HTR4: variants seen among roughly 807,000 people sequenced by gnomAD.
HTR4 encodes the protein 5-hydroxytryptamine (serotonin) receptor 4, G protein-coupled.
HTR4 carries 16 observed loss-of-function variants against 36.8 expected under a neutral mutation model. That is an observed-to-expected ratio of 0.43 (90% CI 0.29 to 0.66). The LOEUF is 0.66. Ranked by LOEUF, HTR4 falls within the 30% of genes least tolerant of loss-of-function variation. The pLI is 0.13. For synonymous variants in HTR4, 189 were observed against 185.1 expected, an observed-to-expected ratio of 1.02 and a Z score of -0.17; for missense variants, 438 against 490.9, an observed-to-expected ratio of 0.89 and a Z score of 1.02.
chr5:148,619,665 G>A (rs1175126405), intron 2 of HTR4, among the ~76,000 whole-genome samples: 1 of 152,122 alleles, frequency 6.6e-6, no homozygotes, highest in Non-Finnish European at 1.5e-5. Context: ...TTGAAAACAC[G>A]ACTGAAAATC....
intron 2 of HTR4, among the ~76,000 whole-genome samples, chr5:148,568,727 G>A (rs1239671438): frequency 6.6e-6 from 1 of 152,140 alleles, no homozygotes; most frequent in Non-Finnish European, 1.5e-5. Context: ...GGACACATTA[G>A]TAAAGCTTTT....
chr5:148,515,754 A>AT (rs77566782), intron 5 of HTR4, among the ~76,000 whole-genome samples: 23,954 of 151,620 alleles, frequency 0.16, 3,425 homozygotes, highest in African/African-American at 0.37. Flanking sequence ...CTTGTCTTTG[A>AT]TTTTCAGCAA....
At chr5:148,577,740 TCTTA>T (rs1451829510) in intron 2 of HTR4, among the ~76,000 whole-genome samples, 3 of 152,112 alleles carry the variant, frequency 2.0e-5, no homozygotes, top group Non-Finnish European at 2.9e-5. Flanking sequence ...TACTGCCTGT[TCTTA>T]CTTACAAGTG....
intron 2 of HTR4, among the ~76,000 whole-genome samples, chr5:148,615,285 G>A (rs1752616139): frequency 6.6e-6 from 1 of 152,042 alleles, no homozygotes; most frequent in African/African-American, 2.4e-5. Flanking sequence ...CAACCCAAAT[G>A]TCCAACATTG....
At chr5:148,624,634 A>G (rs1002313782) in intron 2 of HTR4, among the ~76,000 whole-genome samples, 1 of 152,170 alleles carries the variant, frequency 6.6e-6, no homozygotes, top group Non-Finnish European at 1.5e-5. Context: ...TTCAACCTCA[A>G]ATAGAGAACT....
intron 4 of HTR4, among the ~76,000 whole-genome samples, chr5:148,527,796 C>T (rs940784397): frequency 2.0e-5 from 3 of 152,058 alleles, no homozygotes; most frequent in East Asian, 1.9e-4. Context: ...ATATTTTTAG[C>T]AGGGACAGGG....
intron 5 of HTR4, among the ~76,000 whole-genome samples, chr5:148,456,628 A>C (rs1755108429): frequency 6.6e-6 from 1 of 152,242 alleles, no homozygotes; most frequent in South Asian, 2.1e-4. Flanking sequence ...AGGGCTGGGC[A>C]CACAATGGAT....
chr5:148,596,541 T>C (rs934488920), intron 2 of HTR4, among the ~76,000 whole-genome samples: 2 of 152,148 alleles, frequency 1.3e-5, no homozygotes, highest in African/African-American at 2.4e-5. Flanking sequence ...CTGGCTTTTT[T>C]TGGAGAGCTG....
At chr5:148,459,102 T>C (rs1244239638) in intron 5 of HTR4, among the ~76,000 whole-genome samples, 1 of 152,186 alleles carries the variant, frequency 6.6e-6, no homozygotes, top group African/African-American at 2.4e-5. Context: ...AAGGTAGAGC[T>C]GACAGGATCT....
intron 4 of HTR4, among the ~76,000 whole-genome samples, chr5:148,532,391 C>T (rs1188264732): frequency 1.3e-5 from 2 of 152,170 alleles, no homozygotes; most frequent in African/African-American, 2.4e-5. Context: ...TAGTACAATG[C>T]CAGATATATT....
chr5:148,511,851 G>A (rs10044032), intron 5 of HTR4, among the ~76,000 whole-genome samples: 8,044 of 152,118 alleles, frequency 0.053, 663 homozygotes, highest in African/African-American at 0.18. Context: ...TCTCATTGTG[G>A]ATTTGTTGAT....
intron 2 of HTR4, among the ~76,000 whole-genome samples, chr5:148,571,543 G>A (rs1218728577): frequency 6.6e-6 from 1 of 152,018 alleles, no homozygotes; most frequent in African/African-American, 2.4e-5. Context: ...TTTCATTTCA[G>A]TATTGTAAAG....
rs533824821 is a variant in HTR4, at chr5:148,485,244, C to T, written c.1077-1951G>A. ...ATGTGCCTTAATTCATGTATTACAC[C>T]CATTTAACAGGCAAGGAAACTGAGC... On this transcript the variant is annotated intron_variant, in intron 6 of 6. Coordinates refer to ENST00000377888, the MANE Select transcript of HTR4 (RefSeq NM_000870.7). Among the ~76,000 whole-genome samples the T allele has an allele frequency of 7.2e-5, 11 of 152,214 alleles. No individual in the cohort carries two copies. In the South Asian group the frequency reaches 2.1e-3, roughly 29 times the overall value.
chr5:148,618,971 T>C (rs1752811146), intron 2 of HTR4, among the ~76,000 whole-genome samples: 1 of 152,202 alleles, frequency 6.6e-6, no homozygotes, highest in African/African-American at 2.4e-5. Flanking sequence ...CTGGAATATA[T>C]TCTGTGAAGG....
chr5:148,471,765 A>C (rs1755573165), downstream of HTR4, among the ~76,000 whole-genome samples: 1 of 152,234 alleles, frequency 6.6e-6, no homozygotes, highest in African/African-American at 2.4e-5. Flanking sequence ...ATTTCAGGGA[A>C]TAAATGAACT....
At chr5:148,593,924 C>T (rs1334211069) in intron 2 of HTR4, among the ~76,000 whole-genome samples, 1 of 152,126 alleles carries the variant, frequency 6.6e-6, no homozygotes, top group Non-Finnish European at 1.5e-5. Context: ...CTAGAGAAAT[C>T]AATGTGTTGA....
intron 2 of HTR4, among the ~76,000 whole-genome samples, chr5:148,588,479 ATCACTACACTAAAAG>A (rs1374998412): frequency 4.6e-5 from 7 of 150,658 alleles, no homozygotes; most frequent in Non-Finnish European, 1.0e-4. Flanking sequence ...CCCAGAAGTT[ATCACTACACTAAAAG>A]TCAGTGTATA....
intron 2 of HTR4, among the ~76,000 whole-genome samples, chr5:148,612,158 C>T (rs1197256741): frequency 2.0e-5 from 3 of 152,210 alleles, no homozygotes; most frequent in Non-Finnish European, 4.4e-5. Flanking sequence ...GAATTAAACT[C>T]AGCTCTGCAC....
At chr5:148,571,211 G>A (rs1481786901) in intron 2 of HTR4, among the ~76,000 whole-genome samples, 1 of 152,142 alleles carries the variant, frequency 6.6e-6, no homozygotes, top group East Asian at 1.9e-4. Flanking sequence ...AAAGAATCTT[G>A]CATGGTAATT....
Sources: allele counts gnomAD v4.1 joint callset (sites outside exome capture counted in the v4.1 genomes callset), GRCh38; gene constraint gnomAD v4.1.1; transcripts MANE v1.5; gene names NCBI Gene and HGNC (gene_info 2026-07-23, HGNC 2026-07-21).